The following DPP10 variants were observed in gnomAD, a reference collection of about 807,000 sequenced individuals.
DPP10 encodes the protein inactive dipeptidyl peptidase 10.
A neutral mutation model predicts 120.9 loss-of-function variants in DPP10; 33 were observed. That is an observed-to-expected ratio of 0.27 (90% CI 0.21 to 0.37). The LOEUF (loss-of-function observed/expected upper bound fraction) is 0.37. DPP10 is among the 10% of genes least tolerant of loss of function. The probability of loss-of-function intolerance (pLI) is 1.00; values close to 1 mark genes in which losing one functional copy is unlikely to be tolerated. For synonymous variants in DPP10, 337 were observed against 326.1 expected (o/e 1.03, Z -0.36); for missense variants, 816 against 942.8 (o/e 0.87, Z 1.76).
intron 1 of DPP10, among the ~76,000 whole-genome samples, chr2:114,749,734 C>T (rs891147290): frequency 1.3e-5 from 2 of 152,046 alleles, no homozygotes; most frequent in Admixed American, 6.5e-5. Flanking sequence ...AGCCACCACA[C>T]GCAGTCCAAG....
intron 1 of DPP10, among the ~76,000 whole-genome samples, chr2:114,466,074 G>T (rs986853626): frequency 1.3e-5 from 2 of 151,986 alleles, no homozygotes; most frequent in African/African-American, 4.8e-5. Context: ...ATACTATTAG[G>T]ATGATAATTT....
chr2:115,476,919 A>T (rs1250832759), intron 3 of DPP10, among the ~76,000 whole-genome samples: 1 of 141,240 alleles, frequency 7.1e-6, no homozygotes, highest in South Asian at 2.5e-4. Flanking sequence ...AAATTACATG[A>T]TCATCACAAT....
intron 13 of DPP10, among the ~76,000 whole-genome samples, chr2:115,772,381 G>A (rs898583216): frequency 6.6e-6 from 1 of 152,034 alleles, no homozygotes; most frequent in Non-Finnish European, 1.5e-5. Flanking sequence ...GGAATAGCTG[G>A]ACCAAAAGTA....
intron 1 of DPP10, among the ~76,000 whole-genome samples, chr2:115,245,409 C>T (rs905766306): frequency 2.0e-5 from 3 of 151,660 alleles, no homozygotes; most frequent in Admixed American, 6.6e-5. Flanking sequence ...CAGAGAAATG[C>T]GAATTAAAAC....
intron 1 of DPP10, among the ~76,000 whole-genome samples, chr2:114,446,212 C>T (rs1677936982): frequency 6.6e-6 from 1 of 152,302 alleles, no homozygotes; most frequent in African/African-American, 2.4e-5. Flanking sequence ...TAAATTAAAC[C>T]TTTCAGCTAA....
chr2:115,782,439 G>A, intron 17 of DPP10, 40 bp downstream of exon 17: 2 of 1,561,852 alleles, frequency 1.3e-6, no homozygotes, highest in Non-Finnish European at 1.8e-6. Context: ...GTTATGGTTG[G>A]CATTAGTCTT....
In DPP10 at chr2:114,556,111, C is replaced by T. The variant is rs563070481; in HGVS notation, c.60+113273C>T. Among the ~76,000 whole-genome samples the T allele has an allele frequency of 1.1e-4, 17 of 151,674 alleles. No homozygotes were observed. In the South Asian group the frequency reaches 3.6e-3, roughly 32 times the overall value. ...TTCTCTCTGGCAGTTGGTGGAGCAT[C>T]AACTTAGGGACAAGAAGGGCAGCAG... is the stretch of plus-strand genomic sequence containing the variant. On this transcript the variant is annotated intron_variant, in intron 1 of 25. Coordinates refer to ENST00000410059, the MANE Select transcript of DPP10 (RefSeq NM_020868.6).
chr2:114,826,538 T>C (rs1244408753), intron 1 of DPP10, among the ~76,000 whole-genome samples: 2 of 152,110 alleles, frequency 1.3e-5, no homozygotes, highest in Non-Finnish European at 2.9e-5. Context: ...GAGAAAATTT[T>C]TTATTTTTTT....
At chr2:114,640,904 G>A (rs1027596456) in intron 1 of DPP10, among the ~76,000 whole-genome samples, 1 of 151,876 alleles carries the variant, frequency 6.6e-6, no homozygotes, top group African/African-American at 2.4e-5. Context: ...CACTCTAGCA[G>A]GGCCAAGCAT....
intron 1 of DPP10, among the ~76,000 whole-genome samples, chr2:114,491,932 T>C (rs1254746959): frequency 6.6e-6 from 1 of 152,178 alleles, no homozygotes; most frequent in Non-Finnish European, 1.5e-5. Flanking sequence ...TGGAAAACAG[T>C]TGTCAAACCT....
chr2:115,324,370 C>T (rs186391476), intron 2 of DPP10, among the ~76,000 whole-genome samples: 9 of 152,302 alleles, frequency 5.9e-5, no homozygotes, highest in Non-Finnish European at 5.9e-5. Context: ...CCTTCATCAA[C>T]GATCCTAGCT....
chr2:115,780,946 T>G lies in DPP10; in HGVS notation c.1434T>G (p.Phe478Leu). 1.2e-6 allele frequency: 2 copies of G among 1,604,110 alleles called. No individual in the cohort carries two copies. Among genetic ancestry groups the G allele is most frequent in the Non-Finnish European group, 1.7e-6 (2 of 1,173,146 alleles). ...TCATGAAAGAACAATGTACATATTT[T>G]GATGCCAGTTTTAGTCCCATGAATC... is the stretch of plus-strand genomic sequence containing the variant. ...CNFMKEQCTY[F>L]DASFSPMNQH... Residue 478 changes from phenylalanine (F) to leucine (L), a missense_variant, in exon 16 of 26, where the codon TTT becomes TTG. Physicochemically the swap from Phe to Leu is conservative, Grantham distance 22 (BLOSUM62 0). Coordinates refer to ENST00000410059, the MANE Select transcript of DPP10 (RefSeq NM_020868.6).
chr2:114,704,754 T>A (rs150822486), intron 1 of DPP10, among the ~76,000 whole-genome samples: 1 of 152,340 alleles, frequency 6.6e-6, no homozygotes, highest in East Asian at 1.9e-4. Flanking sequence ...GGTTATGGAC[T>A]GAATTGTATC....
intron 1 of DPP10, among the ~76,000 whole-genome samples, chr2:114,660,575 C>T (rs1697325103): frequency 6.6e-6 from 1 of 152,178 alleles, no homozygotes; most frequent in African/African-American, 2.4e-5. Flanking sequence ...TACTTGATTC[C>T]TGACTTTGAA....
intron 5 of DPP10, among the ~76,000 whole-genome samples, chr2:115,532,520 A>G (rs749445806): frequency 6.6e-6 from 1 of 152,106 alleles, no homozygotes; most frequent in Non-Finnish European, 1.5e-5. Context: ...TATTTAATAA[A>G]CATATTACAA....
At chr2:115,036,942 A>G (rs1455649789) in intron 1 of DPP10, among the ~76,000 whole-genome samples, 1 of 152,174 alleles carries the variant, frequency 6.6e-6, no homozygotes, top group African/African-American at 2.4e-5. Flanking sequence ...CCTCAGGATC[A>G]AACTAGTGCC....
At chr2:114,733,278 C>T (rs1287889608) in intron 1 of DPP10, among the ~76,000 whole-genome samples, 2 of 152,132 alleles carry the variant, frequency 1.3e-5, no homozygotes, top group Non-Finnish European at 2.9e-5. Context: ...CCAAAAATTC[C>T]TGCTTTCTTC....
chr2:115,733,281 C>A (rs1050954861), intron 8 of DPP10, among the ~76,000 whole-genome samples: 4 of 152,104 alleles, frequency 2.6e-5, no homozygotes, highest in Non-Finnish European at 4.4e-5. Flanking sequence ...AAATTGCATT[C>A]ATTTCATCAT....
At chr2:114,821,389 A>C (rs537814954) in intron 1 of DPP10, among the ~76,000 whole-genome samples, 81 of 152,170 alleles carry the variant, frequency 5.3e-4, no homozygotes, top group African/African-American at 1.9e-3. Context: ...TGCACATCAA[A>C]GATTGCCTGC....
Sources: allele counts gnomAD v4.1 joint callset (sites outside exome capture counted in the v4.1 genomes callset), GRCh38; gene constraint gnomAD v4.1.1; transcripts MANE v1.5; gene names NCBI Gene and HGNC (gene_info 2026-07-23, HGNC 2026-07-21).